The following LINGO2 variants were observed in gnomAD, a reference collection of about 807,000 sequenced individuals.
The protein encoded by LINGO2 is leucine-rich repeat and immunoglobulin-like domain-containing nogo receptor-interacting protein 2.
LINGO2 carries 14 observed loss-of-function variants against 30.6 expected under a neutral mutation model. That is an observed-to-expected ratio of 0.46 (90% CI 0.30 to 0.72). The LOEUF is 0.72. Among genes scored for constraint, LINGO2 ranks in the 30% least tolerant of loss-of-function variants. The pLI is 0.07. For synonymous variants in LINGO2, 317 were observed against 288.5 expected (o/e 1.10, Z -1.00); for missense variants, 729 against 751.7 (o/e 0.97, Z 0.35).
the LINGO2 span, among the ~76,000 whole-genome samples, chr9:28,756,722 T>A: frequency 6.6e-6 from 1 of 151,910 alleles, no homozygotes; most frequent in Non-Finnish European, 1.5e-5. Flanking sequence ...ATGGTTTTAT[T>A]AAGTGTTGTT....
At chr9:29,203,081 T>C in the LINGO2 span, among the ~76,000 whole-genome samples, 2 of 152,056 alleles carry the variant, frequency 1.3e-5, no homozygotes, top group Non-Finnish European at 2.9e-5. Flanking sequence ...ACCATATATA[T>C]ATGCAAATGC....
the LINGO2 span, among the ~76,000 whole-genome samples, chr9:28,871,320 C>T: frequency 5.2e-4 from 79 of 151,402 alleles, 1 homozygote; most frequent in African/African-American, 1.8e-3. Flanking sequence ...GAACAATATT[C>T]ATAATATAAG....
the LINGO2 span, among the ~76,000 whole-genome samples, chr9:28,761,258 G>T: frequency 6.6e-6 from 1 of 151,882 alleles, no homozygotes; most frequent in African/African-American, 2.4e-5. Context: ...AATAGGTTTA[G>T]ATCTTTCTCA....
Position 28,029,398 on chromosome 9 carries a change from G to C in LINGO2, c.-86-16993C>G, listed in dbSNP as rs545495328. On this transcript the variant is annotated intron_variant, in intron 4 of 5. Coordinates refer to ENST00000379992, the Ensembl canonical transcript of LINGO2. Reference sequence around the variant, plus strand: ...CTAAAGTGTAAATTAAAAACAGGCAGGGTACTTCTCAGAGCTACTCGGTTA... The same window carrying C: ...CTAAAGTGTAAATTAAAAACAGGCACGGTACTTCTCAGAGCTACTCGGTTA... Among the ~76,000 whole-genome samples, 7 of 152,210 alleles carry C rather than the reference G, an allele frequency of 4.6e-5. 1 individual carries two copies. The South Asian group carries it at 1.5e-3, about 32-fold the overall frequency.
At chr9:28,014,786 A>C (rs1001183037) in intron 4 of LINGO2, among the ~76,000 whole-genome samples, 3 of 152,182 alleles carry the variant, frequency 2.0e-5, no homozygotes. Flanking sequence ...GTTGGTGGTT[A>C]TAAGAATCTA....
chr9:28,378,470 C>G (rs10812790), intron 2 of LINGO2, among the ~76,000 whole-genome samples: 59,615 of 151,934 alleles, frequency 0.39, 12,811 homozygotes, highest in Non-Finnish European at 0.47. Flanking sequence ...TTTAATGAAG[C>G]ATGCAGCTAA....
rs530248129 is a variant in LINGO2 at position 28,079,666 on chromosome 9, T to C, written c.-86-67261A>G. 2.0e-5 allele frequency among the ~76,000 whole-genome samples: 3 copies of C among 152,300 alleles called. No homozygotes were observed. In the East Asian group the frequency reaches 5.8e-4, roughly 29 times the overall value. The stretch of plus-strand genomic sequence containing the variant: ...AGATGTGAGCTCCTGGAGGTTGAAC[T>C]GCCACAAGTTTCCTTATAAGTCTAT... On this transcript the variant is annotated intron_variant, in intron 4 of 5. Coordinates refer to ENST00000379992, the Ensembl canonical transcript of LINGO2.
chr9:28,378,690 G>A (rs187169937), intron 2 of LINGO2, among the ~76,000 whole-genome samples: 66 of 152,162 alleles, frequency 4.3e-4, no homozygotes, highest in Non-Finnish European at 7.8e-4. Flanking sequence ...ACATAAACCT[G>A]GAAACTTCAG....
At position 28,130,218 on chromosome 9, in the gene LINGO2, C is replaced by T. The variant is rs1307249403; in HGVS notation, c.-86-117813G>A. ...AGACCCTCTAAAATAGACCTTAACA[C>T]ACTTCATCAGATTTTGAAACTTGCT... is the stretch of plus-strand genomic sequence containing the variant. On this transcript the variant is annotated intron_variant, in intron 4 of 5. Coordinates refer to ENST00000379992, the Ensembl canonical transcript of LINGO2. The surrounding 1 kb of genome is among the most constrained non-coding windows in gnomAD (Gnocchi z 5.2). Among the ~76,000 whole-genome samples the T allele has an allele frequency of 6.6e-6, 1 of 152,196 alleles. No individual in the cohort carries two copies. Among genetic ancestry groups the T allele is most frequent in the East Asian group, 1.9e-4 (1 of 5,192 alleles).
chr9:28,837,958 A>G, the LINGO2 span, among the ~76,000 whole-genome samples: 1 of 152,044 alleles, frequency 6.6e-6, no homozygotes, highest in Non-Finnish European at 1.5e-5. Flanking sequence ...ATCATTAACA[A>G]AAGAACAAAG....
At chr9:28,861,181 AT>A in the LINGO2 span, among the ~76,000 whole-genome samples, 3 of 117,344 alleles carry the variant, frequency 2.6e-5, no homozygotes, top group Admixed American at 3.3e-4. Flanking sequence ...ATATATTTAT[AT>A]TAATATATTT....
chr9:28,744,799 G>A, the LINGO2 span, among the ~76,000 whole-genome samples: 14 of 151,832 alleles, frequency 9.2e-5, no homozygotes, highest in South Asian at 2.3e-3. Flanking sequence ...ACCATGCCCA[G>A]CTAATTTTTG....
intron 4 of LINGO2, among the ~76,000 whole-genome samples, chr9:28,026,039 T>G (rs369885364): frequency 6.6e-6 from 1 of 152,214 alleles, no homozygotes; most frequent in Admixed American, 6.5e-5. Flanking sequence ...TCCTGTTGCC[T>G]TTACTTACTG....
At chr9:28,056,084 C>G (rs1406884100) in intron 4 of LINGO2, among the ~76,000 whole-genome samples, 1 of 152,130 alleles carries the variant, frequency 6.6e-6, no homozygotes, top group African/African-American at 2.4e-5. Flanking sequence ...AAGGAGCTCC[C>G]CGCTTTCAGT....
chr9:28,856,418 T>C, the LINGO2 span, among the ~76,000 whole-genome samples: 6 of 152,022 alleles, frequency 3.9e-5, no homozygotes, highest in Non-Finnish European at 7.4e-5. Context: ...CAAACAAGTA[T>C]GTTACAAACT....
At chr9:28,483,534 C>A (rs546858264) in intron 1 of LINGO2, among the ~76,000 whole-genome samples, 4 of 150,662 alleles carry the variant, frequency 2.7e-5, no homozygotes, top group African/African-American at 4.9e-5. Context: ...TTCACTGCTG[C>A]TTTAGTGACA....
At chr9:28,976,144 T>A in the LINGO2 span, among the ~76,000 whole-genome samples, 1 of 152,168 alleles carries the variant, frequency 6.6e-6, no homozygotes, top group Non-Finnish European at 1.5e-5. Flanking sequence ...AAATAGATGG[T>A]GCCTTAAGAA....
the LINGO2 span, among the ~76,000 whole-genome samples, chr9:28,884,667 CATAT>C: frequency 1.6e-5 from 2 of 126,964 alleles, no homozygotes; most frequent in African/African-American, 2.9e-5. Flanking sequence ...ATGTATTTTC[CATAT>C]ATATATATAT....
At chr9:28,017,607 C>T (rs1406801815) in intron 4 of LINGO2, among the ~76,000 whole-genome samples, 1 of 151,932 alleles carries the variant, frequency 6.6e-6, no homozygotes, top group Admixed American at 6.6e-5. Context: ...GAACACAGTC[C>T]CTTAAGCCAC....
Sources: gnomAD v4.1 joint callset for allele counts (sites outside exome capture counted in the v4.1 genomes callset) on GRCh38, gnomAD v4.1.1 for gene constraint, Gnocchi (gnomAD v3.1) non-coding constraint, MANE v1.5 for transcripts, NCBI Gene and HGNC (gene_info 2026-07-23, HGNC 2026-07-21) for gene names.